The following ATXN7L1 variants were observed in gnomAD, a reference collection of about 807,000 sequenced individuals.
ATXN7L1 encodes ataxin 7 like 1.
ATXN7L1 carries 15 observed loss-of-function variants against 70.8 expected under a neutral mutation model. The observed-to-expected ratio is 0.21, with a 90% CI of 0.14 to 0.33. The LOEUF is 0.33. Ranked by LOEUF, ATXN7L1 falls within the 10% of genes least tolerant of loss-of-function variation. The pLI is 1.00. For synonymous variants in ATXN7L1, 440 were observed against 445.1 expected, an observed-to-expected ratio of 0.99 and a Z score of 0.14; for missense variants, 975 against 1,097.1, an observed-to-expected ratio of 0.89 and a Z score of 1.57.
chr7:105,815,000 G>C (rs1808978288), intron 2 of ATXN7L1, among the ~76,000 whole-genome samples: 1 of 152,176 alleles, frequency 6.6e-6, no homozygotes, highest in African/African-American at 2.4e-5. Flanking sequence ...AGACAGGATG[G>C]GGGGCAGTGG....
intron 2 of ATXN7L1, among the ~76,000 whole-genome samples, chr7:105,856,599 A>AT (rs2116644909): frequency 6.6e-6 from 1 of 152,020 alleles, no homozygotes; most frequent in South Asian, 2.1e-4. Context: ...AAAAAAAAAA[A>AT]AAAAGAATTT....
rs374708675 is a variant in ATXN7L1 at position 105,669,660 on chromosome 7, C to T, written c.356-4372G>A. On this transcript the variant is annotated intron_variant, in intron 3 of 11. Coordinates refer to ENST00000419735, the MANE Select transcript of ATXN7L1 (RefSeq NM_020725.2). Reference sequence around the variant, plus strand: ...TTTAAAGGCCCAGCACGGTGGCTCACGACTGCAATCCCAGCACTTTGGGAG... The same window carrying T: ...TTTAAAGGCCCAGCACGGTGGCTCATGACTGCAATCCCAGCACTTTGGGAG... 3.5e-4 allele frequency among the ~76,000 whole-genome samples: 53 copies of T among 152,172 alleles called. 1 individual carries two copies. The highest frequency in any genetic ancestry group is 1.2e-3 in the African/African-American group (48 of 41,502).
rs74605194 is a variant in ATXN7L1, at chr7:105,875,450, C to G, written c.250+362G>C. On this transcript the variant is annotated intron_variant, in intron 2 of 11. Coordinates refer to ENST00000419735, the MANE Select transcript of ATXN7L1 (RefSeq NM_020725.2). Reference sequence around the variant, plus strand: ...CATTAAGCTGTTGTGCATTCACCCACGAGAAAGGCTGGGATGCTTGTGAAG... The same window carrying G: ...CATTAAGCTGTTGTGCATTCACCCAGGAGAAAGGCTGGGATGCTTGTGAAG... 9.5e-3 allele frequency among the ~76,000 whole-genome samples: 1,451 copies of G among 152,162 alleles called. 15 individuals are homozygous for G. Among genetic ancestry groups the G allele is most frequent in the Non-Finnish European group, 0.014 (926 of 68,002 alleles).
intron 2 of ATXN7L1, among the ~76,000 whole-genome samples, chr7:105,813,896 ATTTCTCCAT>A (rs1465491027): frequency 6.6e-6 from 1 of 151,956 alleles, no homozygotes; most frequent in South Asian, 2.1e-4. Flanking sequence ...TTTTCTGATA[ATTTCTCCAT>A]GTATCCTGGA....
Position 105,642,860 on chromosome 7 carries a change from G to T in ATXN7L1, c.840C>A (p.Asn280Lys). The T allele has an allele frequency of 6.4e-7, 1 of 1,551,678 alleles. No homozygotes were observed. Among genetic ancestry groups the T allele is most frequent in the Non-Finnish European group, 8.7e-7 (1 of 1,146,964 alleles). ...KKHQNGTKNS[N>K]KPYRRLSERE... Reference sequence around the variant, plus strand: ...TACCTGAAAGTCTCCTGTAAGGCTTGTTGCTGTTTTTGGTGCCATTTTGGT... The same window carrying T: ...TACCTGAAAGTCTCCTGTAAGGCTTTTTGCTGTTTTTGGTGCCATTTTGGT... The change falls in exon 5 of 12, where the codon AAC becomes AAA. Residue 280 changes from asparagine to lysine, a missense_variant. Asn to Lys is a moderately conservative substitution (Grantham distance 94, BLOSUM62 0). Around this residue, in one of 5 missense-constraint regions of ATXN7L1, gnomAD observed 192 missense variants for 215.5 expected, o/e 0.89. Transcript: ENST00000419735.
At chr7:105,851,689 G>C (rs910118952) in intron 2 of ATXN7L1, among the ~76,000 whole-genome samples, 1 of 152,058 alleles carries the variant, frequency 6.6e-6, no homozygotes, top group Non-Finnish European at 1.5e-5. Context: ...TCCCCCACAA[G>C]CTGTAAATTT....
intron 3 of ATXN7L1, among the ~76,000 whole-genome samples, chr7:105,769,040 C>T (rs763234455): frequency 8.5e-5 from 13 of 152,238 alleles, no homozygotes; most frequent in African/African-American, 2.4e-4. Context: ...AGCTCTGCCC[C>T]TATCACTTGT....
intron 2 of ATXN7L1, among the ~76,000 whole-genome samples, chr7:105,842,547 G>A (rs1055073938): frequency 2.0e-5 from 3 of 151,996 alleles, no homozygotes; most frequent in East Asian, 1.9e-4. Context: ...GATATTTCAC[G>A]CCTTTTTTTG....
intron 2 of ATXN7L1, among the ~76,000 whole-genome samples, chr7:105,866,329 G>A (rs1017968976): frequency 5.9e-5 from 9 of 152,144 alleles, no homozygotes; most frequent in Non-Finnish European, 1.3e-4. Flanking sequence ...GCCCTGGAGA[G>A]TATTTATTTG....
chr7:105,789,027 C>A (rs1034722247), intron 2 of ATXN7L1, among the ~76,000 whole-genome samples: 3 of 152,218 alleles, frequency 2.0e-5, no homozygotes, highest in Non-Finnish European at 4.4e-5. Context: ...CACATGTTAG[C>A]TGGGATTCAC....
At chr7:105,688,168 C>T (rs1790212696) in intron 3 of ATXN7L1, among the ~76,000 whole-genome samples, 2 of 152,072 alleles carry the variant, frequency 1.3e-5, no homozygotes, top group African/African-American at 4.8e-5. Context: ...ACTTGCATAC[C>T]CTAACCCTCA....
intron 3 of ATXN7L1, among the ~76,000 whole-genome samples, chr7:105,742,830 A>T (rs2116364758): frequency 6.6e-6 from 1 of 152,282 alleles, no homozygotes; most frequent in Admixed American, 6.5e-5. Flanking sequence ...TCCCAAACAC[A>T]TACGCACAGC....
At chr7:105,716,064 G>A (rs1045295982) in intron 3 of ATXN7L1, among the ~76,000 whole-genome samples, 6 of 151,976 alleles carry the variant, frequency 3.9e-5, no homozygotes, top group East Asian at 1.9e-4. Flanking sequence ...AGCTTCAGGG[G>A]GCATTTATGT....
intron 3 of ATXN7L1, among the ~76,000 whole-genome samples, chr7:105,770,538 A>G (rs1801842117): frequency 6.6e-6 from 1 of 152,176 alleles, no homozygotes; most frequent in Non-Finnish European, 1.5e-5. Context: ...TAAATGACAC[A>G]GTGACAGGCC....
At chr7:105,819,608 G>C (rs1809780450) in intron 2 of ATXN7L1, 2 of 901,276 alleles carry the variant, frequency 2.2e-6, no homozygotes, top group Non-Finnish European at 1.9e-6. Flanking sequence ...TACGCTGTGA[G>C]GGCATCATCA....
Position 105,620,280 on chromosome 7 carries a change from A to G in ATXN7L1, c.1437T>C (p.Tyr479=). The change falls in exon 9 of 12, where the codon TAT becomes TAC. Residue 479 remains tyrosine (Y), a synonymous_variant. Coordinates refer to ENST00000419735, the MANE Select transcript of ATXN7L1 (RefSeq NM_020725.2). The part of the protein sequence containing the change: ...FGSRLMGRGY[Y]VFDRRWDRFR... ...AACGATCCCATCTTCTATCAAACAC[A>G]TAGTACCCTCGTCCCATGAGGCGAC... The G allele has an allele frequency of 6.4e-7, 1 of 1,551,534 alleles. No individual in the cohort carries two copies. The highest frequency in any genetic ancestry group is 8.7e-7 in the Non-Finnish European group (1 of 1,146,860).
At chr7:105,743,224 A>G (rs1798212372) in intron 3 of ATXN7L1, among the ~76,000 whole-genome samples, 1 of 152,228 alleles carries the variant, frequency 6.6e-6, no homozygotes, top group African/African-American at 2.4e-5. Flanking sequence ...AAGAACAGAC[A>G]GAAAATAAAG....
At chr7:105,734,087 C>T (rs1797119497) in intron 3 of ATXN7L1, among the ~76,000 whole-genome samples, 1 of 152,216 alleles carries the variant, frequency 6.6e-6, no homozygotes, top group Non-Finnish European at 1.5e-5. Context: ...CTCCTAATGG[C>T]AGGGAACTTA....
chr7:105,819,010 T>TC (rs1431337174), intron 2 of ATXN7L1, among the ~76,000 whole-genome samples: 15 of 151,968 alleles, frequency 9.9e-5, no homozygotes, highest in African/African-American at 3.6e-4. Context: ...ATTAGGTATT[T>TC]CTCCTAATGC....
Sources: gnomAD v4.1 joint callset for allele counts (sites outside exome capture counted in the v4.1 genomes callset) on GRCh38, gnomAD v4.1.1 for gene constraint, gnomAD v4.1.1 regional missense constraint, MANE v1.5 for transcripts, NCBI Gene and HGNC (gene_info 2026-07-23, HGNC 2026-07-21) for gene names.